HLCS: variants seen among roughly 807,000 people sequenced by gnomAD.
HLCS encodes the protein biotin--protein ligase.
A neutral mutation model predicts 75.0 loss-of-function variants in HLCS; 53 were observed. The observed-to-expected ratio is 0.71, with a 90% CI of 0.57 to 0.89. The LOEUF is 0.89. HLCS is among the 40% of genes least tolerant of loss of function. The probability of loss-of-function intolerance (pLI) is 0.00; values close to 1 mark genes in which losing one functional copy is unlikely to be tolerated. For synonymous variants in HLCS, 431 were observed against 428.6 expected (o/e 1.01, Z -0.07); for missense variants, 966 against 1,074.0 (o/e 0.90, Z 1.41).
intron 6 of HLCS, among the ~76,000 whole-genome samples, chr21:36,853,590 C>T (rs750543594): frequency 6.4e-4 from 97 of 152,116 alleles, no homozygotes; most frequent in Non-Finnish European, 1.1e-3. Flanking sequence ...AACTAAATGT[C>T]TTTAACTAAA....
At chr21:36,786,804 G>A (rs866210680) in intron 6 of HLCS, among the ~76,000 whole-genome samples, 25 of 152,310 alleles carry the variant, frequency 1.6e-4, no homozygotes, top group South Asian at 1.0e-3. Flanking sequence ...CAAGGAAATC[G>A]TAAGCAAAAT....
chr21:36,986,537 G>T (rs1416932117), intron 1 of HLCS, among the ~76,000 whole-genome samples: 1 of 152,208 alleles, frequency 6.6e-6, no homozygotes, highest in African/African-American at 2.4e-5. Flanking sequence ...TCCTGCCTCA[G>T]CCTCCTGAGT....
At chr21:36,795,671 CT>C (rs2145898324) in intron 6 of HLCS, among the ~76,000 whole-genome samples, 1 of 152,330 alleles carries the variant, frequency 6.6e-6, no homozygotes, top group South Asian at 2.1e-4. Flanking sequence ...CAACCCTGTC[CT>C]GTCATAGCCT....
At chr21:36,855,183 A>G (rs762189364) in intron 6 of HLCS, among the ~76,000 whole-genome samples, 20 of 151,882 alleles carry the variant, frequency 1.3e-4, no homozygotes, top group Non-Finnish European at 1.5e-4. Flanking sequence ...TTTTATTTCT[A>G]TATTGGTTTT....
chr21:36,783,624 C>T (rs1339036557), intron 6 of HLCS, among the ~76,000 whole-genome samples: 2 of 152,150 alleles, frequency 1.3e-5, no homozygotes, highest in Non-Finnish European at 2.9e-5. Context: ...GTGTGCACCA[C>T]AAAGTGCCAT....
At position 36,933,599 on chromosome 21, in the gene HLCS, C is replaced by G. The variant is rs114627966; in HGVS notation, c.1437+2850G>C. ...AATCTGTATCCTACTCAGTGCACTT[C>G]TACCCTAAATGTGTACCTCTCCTCT... On this transcript the variant is annotated intron_variant, in intron 4 of 10. Transcript: ENST00000674895. Among the ~76,000 whole-genome samples the G allele has an allele frequency of 2.8e-3, 422 of 149,020 alleles. 3 individuals carry two copies. Among genetic ancestry groups the G allele is most frequent in the African/African-American group, 9.9e-3 (403 of 40,578 alleles).
intron 6 of HLCS, among the ~76,000 whole-genome samples, chr21:36,881,906 G>A (rs2064235101): frequency 6.6e-6 from 1 of 152,176 alleles, no homozygotes; most frequent in Non-Finnish European, 1.5e-5. Flanking sequence ...GGGAGGCTGA[G>A]GCAGGAGGAT....
chr21:36,830,621 C>A (rs752880143), intron 6 of HLCS, among the ~76,000 whole-genome samples: 3 of 151,786 alleles, frequency 2.0e-5, no homozygotes, highest in Admixed American at 1.3e-4. Flanking sequence ...ATCGCTTGAG[C>A]CTAGGGGTTC....
intron 6 of HLCS, among the ~76,000 whole-genome samples, chr21:36,777,301 C>A (rs1407996866): frequency 6.6e-6 from 1 of 152,240 alleles, no homozygotes; most frequent in Non-Finnish European, 1.5e-5. Context: ...TTTACTCTCT[C>A]TATAGTTTTG....
intron 6 of HLCS, among the ~76,000 whole-genome samples, chr21:36,815,711 A>G (rs1336738992): frequency 1.3e-5 from 2 of 152,118 alleles, no homozygotes; most frequent in Non-Finnish European, 2.9e-5. Context: ...ACCTATATAC[A>G]CACCAAAACA....
At chr21:36,891,549 G>A (rs2064785882) in intron 6 of HLCS, among the ~76,000 whole-genome samples, 1 of 152,172 alleles carries the variant, frequency 6.6e-6, no homozygotes, top group Admixed American at 6.5e-5. Flanking sequence ...GGTCTCACAG[G>A]TTCTCGACTG....
intron 6 of HLCS, among the ~76,000 whole-genome samples, chr21:36,775,524 G>A (rs1764082088): frequency 6.6e-6 from 1 of 152,242 alleles, no homozygotes; most frequent in Non-Finnish European, 1.5e-5. Flanking sequence ...CTCTGTGGCT[G>A]TACCTCAGCG....
intron 4 of HLCS, among the ~76,000 whole-genome samples, chr21:36,934,320 C>T (rs1018834144): frequency 1.1e-4 from 16 of 152,286 alleles, no homozygotes; most frequent in Admixed American, 9.2e-4. Flanking sequence ...GATGCTATTC[C>T]GCAGCCGAAA....
chr21:36,869,437 G>A (rs574128035), intron 6 of HLCS, among the ~76,000 whole-genome samples: 4 of 152,196 alleles, frequency 2.6e-5, no homozygotes, highest in African/African-American at 7.2e-5. Context: ...CAGCCCAAAC[G>A]ATGTTTAATT....
At chr21:36,924,353 A>G (rs1444736202) in intron 5 of HLCS, among the ~76,000 whole-genome samples, 2 of 152,162 alleles carry the variant, frequency 1.3e-5, no homozygotes, top group Non-Finnish European at 1.5e-5. Flanking sequence ...TGAGGTCAGG[A>G]GTTTGAGACC....
At chr21:36,927,791 T>C (rs1406899899) in intron 5 of HLCS, among the ~76,000 whole-genome samples, 2 of 152,202 alleles carry the variant, frequency 1.3e-5, no homozygotes. Flanking sequence ...CGAGGCAGCC[T>C]AGCTCAGCAG....
intron 6 of HLCS, among the ~76,000 whole-genome samples, chr21:36,850,685 T>C (rs184774386): frequency 1.3e-5 from 2 of 152,276 alleles, no homozygotes; most frequent in South Asian, 2.1e-4. Flanking sequence ...TTTTGGACCG[T>C]AGCCACCTCT....
At chr21:36,860,087 G>A (rs1055769422) in intron 6 of HLCS, among the ~76,000 whole-genome samples, 9 of 152,226 alleles carry the variant, frequency 5.9e-5, no homozygotes, top group Non-Finnish European at 1.3e-4. Context: ...GTGCACACAC[G>A]AACCCTATAT....
chr21:36,811,521 C>T (rs2061509686), intron 6 of HLCS, among the ~76,000 whole-genome samples: 2 of 152,162 alleles, frequency 1.3e-5, no homozygotes, highest in Non-Finnish European at 2.9e-5. Flanking sequence ...GCCCGAATGC[C>T]CTCCCTGCTG....
Sources: gnomAD v4.1 joint callset for allele counts (sites outside exome capture counted in the v4.1 genomes callset) on GRCh38, gnomAD v4.1.1 for gene constraint, MANE v1.5 for transcripts, NCBI Gene and HGNC (gene_info 2026-07-23, HGNC 2026-07-21) for gene names.